Variants in SMYD3 observed in about 807,000 individuals in gnomAD.
The protein encoded by SMYD3 is histone-lysine N-methyltransferase SMYD3.
SMYD3 carries 36 observed loss-of-function variants against 57.7 expected under a neutral mutation model. The ratio of observed to expected loss-of-function variants is 0.62; its 90% confidence interval spans 0.48 to 0.82. SMYD3 has a LOEUF of 0.82. SMYD3 is among the 40% of genes least tolerant of loss of function. The probability of loss-of-function intolerance (pLI) is 0.00; values close to 1 mark genes in which losing one functional copy is unlikely to be tolerated. For synonymous variants in SMYD3, 211 were observed against 195.0 expected (o/e 1.08, Z -0.68); for missense variants, 515 against 538.8 (o/e 0.96, Z 0.44).
intron 1 of SMYD3, among the ~76,000 whole-genome samples, chr1:246,369,442 A>G (rs958071410): frequency 2.0e-5 from 3 of 152,214 alleles, no homozygotes; most frequent in Non-Finnish European, 4.4e-5. Context: ...CCATCCACCT[A>G]TCAAATGGCT....
chr1:246,446,756 G>A (rs1267797018), intron 1 of SMYD3, among the ~76,000 whole-genome samples: 4 of 152,116 alleles, frequency 2.6e-5, no homozygotes, highest in African/African-American at 9.7e-5. Context: ...TAGGCCGGGC[G>A]CTGTGGCTCA....
At chr1:245,843,422 C>T (rs4291470) in intron 10 of SMYD3, among the ~76,000 whole-genome samples, 52,572 of 151,834 alleles carry the variant, frequency 0.35, 11,098 homozygotes, top group African/African-American at 0.58. Context: ...AACTAGAAAT[C>T]TAAGTTAAAA....
At chr1:246,084,318 C>T (rs960321702) in intron 5 of SMYD3, among the ~76,000 whole-genome samples, 3 of 151,392 alleles carry the variant, frequency 2.0e-5, no homozygotes, top group South Asian at 4.2e-4. Context: ...TGGGCTCAAA[C>T]GATCCTTCCA....
chr1:246,173,667 T>C (rs1434458949), intron 5 of SMYD3, among the ~76,000 whole-genome samples: 3 of 152,322 alleles, frequency 2.0e-5, no homozygotes, highest in Non-Finnish European at 4.4e-5. Flanking sequence ...TGAATAGCAC[T>C]GTCTTCCACC....
chr1:246,044,148 G>A (rs554123631), intron 5 of SMYD3, among the ~76,000 whole-genome samples: 1 of 152,068 alleles, frequency 6.6e-6, no homozygotes, highest in South Asian at 2.1e-4. Flanking sequence ...ACAGTTCTAC[G>A]AATAAAGACC....
At chr1:246,301,881 G>A (rs2064896886) in intron 5 of SMYD3, among the ~76,000 whole-genome samples, 1 of 152,162 alleles carries the variant, frequency 6.6e-6, no homozygotes, top group Non-Finnish European at 1.5e-5. Flanking sequence ...AAGTTTAAGA[G>A]AGGGACAGAA....
chr1:245,977,074 G>A (rs2058461840), intron 5 of SMYD3, among the ~76,000 whole-genome samples: 1 of 151,892 alleles, frequency 6.6e-6, no homozygotes, highest in African/African-American at 2.4e-5. Context: ...ATCGTCTCTA[G>A]CCTATGTTAT....
At chr1:246,043,992 T>C (rs148176063) in intron 5 of SMYD3, among the ~76,000 whole-genome samples, 46 of 152,330 alleles carry the variant, frequency 3.0e-4, no homozygotes, top group African/African-American at 1.1e-3. Flanking sequence ...TGCTGCAGTG[T>C]CCGCACGTGG....
chr1:245,806,772 C>T (rs368552952), intron 10 of SMYD3, among the ~76,000 whole-genome samples: 4,148 of 150,780 alleles, frequency 0.028, 99 homozygotes, highest in Middle Eastern at 0.099. Flanking sequence ...TAGCCGGGCG[C>T]GGTGGCGGGC....
chr1:245,898,110 TTCA>T (rs2053949140), intron 8 of SMYD3, among the ~76,000 whole-genome samples: 1 of 152,152 alleles, frequency 6.6e-6, no homozygotes, highest in Non-Finnish European at 1.5e-5. Context: ...TAAGGGTAAA[TTCA>T]TCATTTTTCT....
chr1:246,129,494 A>C (rs978008627), intron 5 of SMYD3, among the ~76,000 whole-genome samples: 3 of 152,040 alleles, frequency 2.0e-5, no homozygotes, highest in Admixed American at 6.6e-5. Context: ...ATTTGGTGAA[A>C]CTATCTTTGA....
chr1:245,956,087 T>C (rs1210939454), intron 5 of SMYD3: 1 of 981,716 alleles, frequency 1.0e-6, no homozygotes, highest in African/African-American at 1.7e-5. Flanking sequence ...TTATTTTCTA[T>C]TTTTTCATTT....
At chr1:246,473,938 A>G (rs2067993592) in intron 1 of SMYD3, among the ~76,000 whole-genome samples, 1 of 152,208 alleles carries the variant, frequency 6.6e-6, no homozygotes, top group African/African-American at 2.4e-5. Context: ...CAAATGCTCC[A>G]TCACTAATAA....
At chr1:246,496,562 T>C (rs1390776484) in intron 1 of SMYD3, among the ~76,000 whole-genome samples, 1 of 152,128 alleles carries the variant, frequency 6.6e-6, no homozygotes, top group Admixed American at 6.5e-5. Flanking sequence ...ATGCGGTAGC[T>C]CATGCCTGTA....
chr1:245,868,272 G>A (rs1192889982), intron 8 of SMYD3, among the ~76,000 whole-genome samples: 1 of 152,172 alleles, frequency 6.6e-6, no homozygotes, highest in Non-Finnish European at 1.5e-5. Flanking sequence ...TTCAAACCCA[G>A]GTCTGTCTGG....
chr1:246,489,187 A>G (rs1379987026), intron 1 of SMYD3, among the ~76,000 whole-genome samples: 1 of 152,082 alleles, frequency 6.6e-6, no homozygotes, highest in Non-Finnish European at 1.5e-5. Context: ...TCTACTAAAA[A>G]TACAAAAAAT....
intron 1 of SMYD3, among the ~76,000 whole-genome samples, chr1:246,378,760 ATATAT>A (rs2066329270): frequency 8.5e-6 from 1 of 117,816 alleles, no homozygotes; most frequent in Non-Finnish European, 1.7e-5. Flanking sequence ...AATATATTTA[ATATAT>A]TATATATAAT....
intron 1 of SMYD3, among the ~76,000 whole-genome samples, chr1:246,375,884 C>G (rs1471153984): frequency 6.6e-6 from 1 of 152,014 alleles, no homozygotes; most frequent in Non-Finnish European, 1.5e-5. Context: ...TGTGCACCAC[C>G]ACGCCTGGCT....
At chr1:246,114,459 A>G (rs2061309524) in intron 5 of SMYD3, among the ~76,000 whole-genome samples, 3 of 152,162 alleles carry the variant, frequency 2.0e-5, no homozygotes, top group Admixed American at 2.0e-4. Context: ...CTGCTTGTAC[A>G]ACATCCTGTT....
Sources: gnomAD v4.1 joint callset for allele counts (sites outside exome capture counted in the v4.1 genomes callset) on GRCh38, gnomAD v4.1.1 for gene constraint, MANE v1.5 for transcripts, NCBI Gene and HGNC (gene_info 2026-07-23, HGNC 2026-07-21) for gene names.